Variants in LHFPL3 observed in about 807,000 individuals in gnomAD.
LHFPL3 encodes LHFPL tetraspan subfamily member 3.
LHFPL3 carries 5 observed loss-of-function variants against 19.3 expected under a neutral mutation model. That is an observed-to-expected ratio of 0.26 (90% CI 0.14 to 0.54). The LOEUF (loss-of-function observed/expected upper bound fraction) is 0.54, where lower values mean the gene tolerates loss of function less well. Among genes scored for constraint, LHFPL3 ranks in the 20% least tolerant of loss-of-function variants. The probability of loss-of-function intolerance (pLI) is 0.94; values close to 1 mark genes in which losing one functional copy is unlikely to be tolerated. For synonymous variants in LHFPL3, 133 were observed against 126.2 expected (o/e 1.05, Z -0.36); for missense variants, 249 against 307.4 (o/e 0.81, Z 1.42).
intron 1 of LHFPL3, among the ~76,000 whole-genome samples, chr7:104,520,896 T>G (rs1478822153): frequency 6.0e-5 from 9 of 150,480 alleles, no homozygotes; most frequent in Middle Eastern, 3.4e-3. Flanking sequence ...TTCAAAAAAC[T>G]AGCTCCTGGA....
chr7:104,411,415 C>T (rs1056174918), intron 1 of LHFPL3, among the ~76,000 whole-genome samples: 1 of 152,042 alleles, frequency 6.6e-6, no homozygotes, highest in Non-Finnish European at 1.5e-5. Context: ...AACTTCTTGA[C>T]AAAAGATGGT....
intron 1 of LHFPL3, among the ~76,000 whole-genome samples, chr7:104,603,103 TTTC>T (rs1791009557): frequency 7.1e-6 from 1 of 140,224 alleles, no homozygotes; most frequent in Admixed American, 7.3e-5. Flanking sequence ...TCTTTCTTTC[TTTC>T]TTTCTTTCTT....
chr7:104,340,713 A>T (rs1584598568), intron 1 of LHFPL3, among the ~76,000 whole-genome samples: 1 of 152,348 alleles, frequency 6.6e-6, no homozygotes, highest in Non-Finnish European at 1.5e-5. Flanking sequence ...TGTTATAAAA[A>T]TGCTATTGTG....
chr7:104,461,130 G>C (rs112719417), intron 1 of LHFPL3, among the ~76,000 whole-genome samples: 10 of 152,186 alleles, frequency 6.6e-5, no homozygotes, highest in African/African-American at 1.9e-4. Flanking sequence ...TGGAAGGGGA[G>C]GCAAACACAT....
intron 2 of LHFPL3, among the ~76,000 whole-genome samples, chr7:104,847,553 C>T (rs1328139738): frequency 6.6e-6 from 1 of 152,154 alleles, no homozygotes; most frequent in Non-Finnish European, 1.5e-5. Flanking sequence ...CTCTGTTGCC[C>T]AGACTGGAGT....
intron 1 of LHFPL3, among the ~76,000 whole-genome samples, chr7:104,396,831 G>T (rs904869946): frequency 1.3e-5 from 2 of 151,782 alleles, no homozygotes; most frequent in African/African-American, 2.4e-5. Context: ...TTCACTGGGC[G>T]TGATGGCCTG....
At chr7:104,510,207 T>A (rs1398446496) in intron 1 of LHFPL3, among the ~76,000 whole-genome samples, 1 of 152,150 alleles carries the variant, frequency 6.6e-6, no homozygotes, top group Non-Finnish European at 1.5e-5. Context: ...TCAGCAAGAC[T>A]TTCTGTAGAT....
intron 1 of LHFPL3, among the ~76,000 whole-genome samples, chr7:104,430,454 A>ATTTT (rs1172420054): frequency 5.2e-4 from 8 of 15,272 alleles, no homozygotes; most frequent in African/African-American, 1.3e-3. Context: ...ATATATATAT[A>ATTTT]TTTTTTTTTT....
chr7:104,857,028 G>C (rs1255175596), intron 2 of LHFPL3, among the ~76,000 whole-genome samples: 1 of 152,216 alleles, frequency 6.6e-6, no homozygotes, highest in African/African-American at 2.4e-5. Flanking sequence ...TGATTGTGCT[G>C]TATGCCAGGG....
chr7:104,680,775 C>T (rs1162663245), intron 1 of LHFPL3, among the ~76,000 whole-genome samples: 4 of 151,942 alleles, frequency 2.6e-5, no homozygotes, highest in African/African-American at 9.7e-5. Flanking sequence ...ACAAAACAAA[C>T]AAACAAACAT....
chr7:104,410,850 G>T (rs1022152447), intron 1 of LHFPL3, among the ~76,000 whole-genome samples: 1 of 152,286 alleles, frequency 6.6e-6, no homozygotes, highest in African/African-American at 2.4e-5. Flanking sequence ...TTTGAAGGAT[G>T]AATTGGCCAA....
In LHFPL3 at chr7:104,908,141, T is replaced by C. The variant is rs936484220; in HGVS notation, c.*1926T>C. Among the ~76,000 whole-genome samples the C allele has an allele frequency of 2.0e-5, 3 of 152,222 alleles. No homozygotes were observed. Among genetic ancestry groups the C allele is most frequent in the Admixed American group, 6.5e-5 (1 of 15,276 alleles). On this transcript the variant is annotated 3_prime_UTR_variant, in exon 3 of 3. Coordinates refer to ENST00000424859, the MANE Select transcript of LHFPL3 (RefSeq NM_199000.3). ...ATAAAAACAAAGGGTATTGGCTTTC[T>C]CTAATCCATGCAAACTACAAATTCC...
chr7:104,411,432 G>C (rs1419765917), intron 1 of LHFPL3, among the ~76,000 whole-genome samples: 1 of 152,096 alleles, frequency 6.6e-6, no homozygotes, highest in East Asian at 1.9e-4. Flanking sequence ...TGGTAGTGGA[G>C]GAATGATCAT....
At chr7:104,764,205 G>T (rs1794419119) in intron 2 of LHFPL3, among the ~76,000 whole-genome samples, 1 of 152,114 alleles carries the variant, frequency 6.6e-6, no homozygotes, top group African/African-American at 2.4e-5. Flanking sequence ...GTCTCACTCT[G>T]TTGCCCAGGC....
intron 1 of LHFPL3, among the ~76,000 whole-genome samples, chr7:104,607,007 G>T (rs1282707474): frequency 6.6e-6 from 1 of 152,146 alleles, no homozygotes; most frequent in African/African-American, 2.4e-5. Context: ...ATCTATAGGA[G>T]CAATTGGCAA....
intron 1 of LHFPL3, among the ~76,000 whole-genome samples, chr7:104,603,089 T>TCTTC (rs1791007580): frequency 7.9e-6 from 1 of 127,206 alleles, no homozygotes; most frequent in Non-Finnish European, 1.7e-5. Context: ...TTTCTTTCTT[T>TCTTC]CTTTCTTTCT....
At chr7:104,441,582 A>T (rs1792224677) in intron 1 of LHFPL3, among the ~76,000 whole-genome samples, 1 of 151,792 alleles carries the variant, frequency 6.6e-6, no homozygotes, top group African/African-American at 2.4e-5. Flanking sequence ...TTTTTTATTT[A>T]TTTATTTTTT....
intron 1 of LHFPL3, among the ~76,000 whole-genome samples, chr7:104,675,374 C>G (rs555187344): frequency 6.6e-6 from 1 of 152,304 alleles, no homozygotes; most frequent in Admixed American, 6.5e-5. Flanking sequence ...GGGAGCAGCT[C>G]ATGCAGGACT....
At chr7:104,433,457 G>A (rs1792038754) in intron 1 of LHFPL3, among the ~76,000 whole-genome samples, 1 of 152,110 alleles carries the variant, frequency 6.6e-6, no homozygotes, top group Non-Finnish European at 1.5e-5. Context: ...TAAAATCACT[G>A]TAATGCCTTG....
Sources: allele counts gnomAD v4.1 joint callset (sites outside exome capture counted in the v4.1 genomes callset), GRCh38; gene constraint gnomAD v4.1.1; transcripts MANE v1.5; gene names NCBI Gene and HGNC (gene_info 2026-07-23, HGNC 2026-07-21).